The following LRRC4C variants were observed in gnomAD, a reference collection of about 807,000 sequenced individuals.
The protein encoded by LRRC4C is leucine rich repeat containing 4C.
In LRRC4C, 5 loss-of-function variants were observed where a neutral mutation model predicts 33.6. The ratio of observed to expected loss-of-function variants is 0.15; its 90% confidence interval spans 0.08 to 0.31. LRRC4C has a LOEUF of 0.31. Ranked by LOEUF, LRRC4C falls within the 10% of genes least tolerant of loss-of-function variation. The pLI, the probability that LRRC4C is intolerant of heterozygous loss-of-function variation, is 1.00. For synonymous variants in LRRC4C, 329 were observed against 302.0 expected (o/e 1.09, Z -0.93); for missense variants, 560 against 796.7 (o/e 0.70, Z 3.58).
intron 1 of LRRC4C, among the ~76,000 whole-genome samples, chr11:41,280,024 G>A (rs1017862589): frequency 1.3e-5 from 2 of 152,016 alleles, no homozygotes; most frequent in Admixed American, 1.3e-4. Context: ...TACCTAAATA[G>A]AATGGGTTTT....
chr11:40,421,699 G>C (rs1043450513), intron 3 of LRRC4C, among the ~76,000 whole-genome samples: 3 of 152,076 alleles, frequency 2.0e-5, no homozygotes. Context: ...TTAAACACAA[G>C]GTCAGATAAA....
intron 5 of LRRC4C, among the ~76,000 whole-genome samples, chr11:40,168,998 A>G (rs989892201): frequency 6.6e-6 from 1 of 152,058 alleles, no homozygotes; most frequent in Admixed American, 6.6e-5. Flanking sequence ...TTTTCCTTCT[A>G]ATTATTGCAT....
At chr11:41,038,239 C>T (rs1857218093) in intron 1 of LRRC4C, among the ~76,000 whole-genome samples, 1 of 152,140 alleles carries the variant, frequency 6.6e-6, no homozygotes, top group African/African-American at 2.4e-5. Flanking sequence ...TGCTCCAATA[C>T]CTTCAAATTA....
At chr11:40,904,838 G>A (rs960910049) in intron 2 of LRRC4C, among the ~76,000 whole-genome samples, 1 of 152,166 alleles carries the variant, frequency 6.6e-6, no homozygotes, top group Admixed American at 6.5e-5. Context: ...GCAGATGGGA[G>A]TGCGGAACAC....
At position 40,323,784 on chromosome 11, in the gene LRRC4C, A is replaced by G. The variant is rs139823372; in HGVS notation, c.-269-4063T>C. ...CCTCAAGGAACCCACCCTCTATTGAATGAGGTAGTAGCGTATACAAACAAT... is the reference window on the plus strand; with the variant it reads ...CCTCAAGGAACCCACCCTCTATTGAGTGAGGTAGTAGCGTATACAAACAAT... On this transcript the variant is annotated intron_variant, in intron 3 of 6. Transcript: ENST00000528697. Among the ~76,000 whole-genome samples, 6 of 152,348 alleles carry G rather than the reference A, an allele frequency of 3.9e-5. No homozygotes were observed. In the East Asian group the frequency reaches 1.2e-3, roughly 29 times the overall value.
chr11:40,189,673 T>C, intron 5 of LRRC4C, among the ~76,000 whole-genome samples: 1 of 152,314 alleles, frequency 6.6e-6, no homozygotes, highest in East Asian at 1.9e-4. Context: ...AGATGATGAA[T>C]GTAGTACTTA....
chr11:40,114,267 A>G lies in LRRC4C; in HGVS notation c.*103T>C, dbSNP rs1855248698. ...TTCTTTTCTTTTTTGTTTTTTTGTA[A>G]AGACACTTTTTTGAAACAGTAGATT... On this transcript the variant is annotated 3_prime_UTR_variant, in exon 7 of 7. Transcript: ENST00000528697. 7.8e-7 allele frequency: 1 copy of G among 1,278,076 alleles called. No individual in the cohort carries two copies. The highest frequency in any genetic ancestry group is 3.2e-5 in the Admixed American group (1 of 31,394). 79.2% of individuals were successfully genotyped at this position (1,278,076 alleles called of 1,614,324 possible).
At chr11:40,185,885 C>T (rs932115747) in intron 5 of LRRC4C, among the ~76,000 whole-genome samples, 6 of 152,038 alleles carry the variant, frequency 3.9e-5, no homozygotes, top group African/African-American at 1.4e-4. Context: ...CCTGTCCCTC[C>T]CCCTTCCCGT....
intron 5 of LRRC4C, among the ~76,000 whole-genome samples, chr11:40,222,176 C>T (rs369994901): frequency 6.6e-6 from 1 of 152,154 alleles, no homozygotes; most frequent in African/African-American, 2.4e-5. Flanking sequence ...AAGTAATTTG[C>T]AGGTGATGGA....
intron 2 of LRRC4C, among the ~76,000 whole-genome samples, chr11:40,888,428 C>T (rs1013189707): frequency 2.6e-5 from 4 of 151,652 alleles, no homozygotes; most frequent in Admixed American, 6.6e-5. Flanking sequence ...TGTATATGTT[C>T]GAAGATTACC....
At chr11:41,403,183 T>C (rs1954091099) in intron 1 of LRRC4C, among the ~76,000 whole-genome samples, 1 of 152,166 alleles carries the variant, frequency 6.6e-6, no homozygotes, top group East Asian at 1.9e-4. Flanking sequence ...ATATTCTCCC[T>C]GAAAAAGTCA....
chr11:40,550,529 C>T (rs529819067), intron 3 of LRRC4C, among the ~76,000 whole-genome samples: 1 of 152,272 alleles, frequency 6.6e-6, no homozygotes, highest in South Asian at 2.1e-4. Context: ...GACTAATTGA[C>T]AGTCTTATTT....
At chr11:40,560,870 C>A (rs1495308) in intron 3 of LRRC4C, among the ~76,000 whole-genome samples, 70,018 of 151,940 alleles carry the variant, frequency 0.46, 17,908 homozygotes, top group East Asian at 0.76. Context: ...ATCCTCTGAG[C>A]CTCAGTTACC....
At position 40,345,759 on chromosome 11, in the gene LRRC4C, G is replaced by A. The variant is rs12364648; in HGVS notation, c.-269-26038C>T. Among the ~76,000 whole-genome samples the A allele has an allele frequency of 5.7e-4, 86 of 152,190 alleles. 1 individual carries two copies. The highest frequency in any genetic ancestry group is 1.0e-3 in the Non-Finnish European group (69 of 67,992). ...AAAGAAACTATCAAAAGAGTAAACA[G>A]GCAACCTACAGAATGGAAGGAAAAT... is the stretch of plus-strand genomic sequence containing the variant. On this transcript the variant is annotated intron_variant, in intron 3 of 6. Coordinates refer to ENST00000528697, the MANE Select transcript of LRRC4C (RefSeq NM_001258419.2).
intron 1 of LRRC4C, among the ~76,000 whole-genome samples, chr11:41,329,335 T>C (rs979076229): frequency 4.6e-5 from 7 of 152,190 alleles, no homozygotes; most frequent in Non-Finnish European, 1.0e-4. Context: ...AATTTCTAGC[T>C]ACCTAATAGG....
intron 2 of LRRC4C, among the ~76,000 whole-genome samples, chr11:40,904,940 G>C (rs1335170881): frequency 2.0e-5 from 3 of 152,140 alleles, no homozygotes; most frequent in Admixed American, 1.3e-4. Flanking sequence ...ACGCTCAAGA[G>C]GAAAGCTGCA....
chr11:41,115,991 T>C (rs1177928107), intron 1 of LRRC4C, among the ~76,000 whole-genome samples: 2 of 152,142 alleles, frequency 1.3e-5, no homozygotes, highest in East Asian at 1.9e-4. Flanking sequence ...AGCCTTCCCC[T>C]TTCCACCATG....
intron 4 of LRRC4C, among the ~76,000 whole-genome samples, chr11:40,255,872 G>A (rs764190280): frequency 3.5e-4 from 54 of 152,168 alleles, no homozygotes; most frequent in Non-Finnish European, 5.6e-4. Context: ...TTAAAAAGAA[G>A]CCAAAAATAT....
intron 5 of LRRC4C, among the ~76,000 whole-genome samples, chr11:40,201,470 C>A (rs145912659): frequency 1.3e-5 from 2 of 152,098 alleles, no homozygotes; most frequent in Admixed American, 6.5e-5. Flanking sequence ...CGAAATGAAG[C>A]CTTTCACTTT....
Sources: gnomAD v4.1 joint callset for allele counts (sites outside exome capture counted in the v4.1 genomes callset) on GRCh38, gnomAD v4.1.1 for gene constraint, MANE v1.5 for transcripts, NCBI Gene and HGNC (gene_info 2026-07-23, HGNC 2026-07-21) for gene names.